Variants in LEPR observed in about 807,000 individuals in gnomAD.
LEPR encodes leptin receptor.
In LEPR, 56 loss-of-function variants were observed where a neutral mutation model predicts 114.7. That is an observed-to-expected ratio of 0.49 (90% CI 0.39 to 0.61). LEPR has a LOEUF of 0.61. LEPR is among the 20% of genes least tolerant of loss of function. LEPR has a pLI of 0.00. For synonymous variants in LEPR, 443 were observed against 461.4 expected (o/e 0.96, Z 0.51); for missense variants, 1,202 against 1,352.9 (o/e 0.89, Z 1.75).
chr1:65,478,262 C>T (rs1647180305), intron 2 of LEPR, among the ~76,000 whole-genome samples: 2 of 152,114 alleles, frequency 1.3e-5, no homozygotes, highest in East Asian at 1.9e-4. Flanking sequence ...TCCAAGTCCC[C>T]CTTTGGTTGG....
chr1:65,612,259 A>G (rs1030663294), intron 14 of LEPR, among the ~76,000 whole-genome samples: 3 of 152,266 alleles, frequency 2.0e-5, no homozygotes, highest in Non-Finnish European at 2.9e-5. Flanking sequence ...GACGGCAAAG[A>G]TAGTACAGAG....
At chr1:65,544,651 G>T (rs976386784) in intron 2 of LEPR, among the ~76,000 whole-genome samples, 7 of 151,002 alleles carry the variant, frequency 4.6e-5, no homozygotes, top group African/African-American at 1.7e-4. Flanking sequence ...GCATGAAGCA[G>T]TGTTGAATAT....
intron 2 of LEPR, among the ~76,000 whole-genome samples, chr1:65,546,800 T>G (rs1396734247): frequency 1.3e-5 from 2 of 152,184 alleles, no homozygotes; most frequent in African/African-American, 4.8e-5. Flanking sequence ...TACCCTTTAT[T>G]TCCTTCTCCT....
rs1651429092 is a variant in LEPR, at chr1:65,543,862, T to C, written c.-20-21684T>C. 2.0e-5 allele frequency among the ~76,000 whole-genome samples: 3 copies of C among 152,036 alleles called. No individual in the cohort carries two copies. In the South Asian group the frequency reaches 6.2e-4, roughly 31 times the overall value. ...TGGTACAGTACCATGCTGTCTTGGT[T>C]ACTGTAGCCTTGTAGTATAGTTTGA... is the stretch of plus-strand genomic sequence containing the variant. On this transcript the variant is annotated intron_variant, in intron 2 of 19. Transcript: ENST00000349533.
At chr1:65,442,123 A>G (rs1000670311) in intron 2 of LEPR, among the ~76,000 whole-genome samples, 4 of 152,166 alleles carry the variant, frequency 2.6e-5, no homozygotes, top group African/African-American at 9.7e-5. Context: ...TGCCTCAGAA[A>G]TATTTGTTGG....
At chr1:65,512,366 G>C (rs1024432392) in intron 2 of LEPR, among the ~76,000 whole-genome samples, 1 of 152,108 alleles carries the variant, frequency 6.6e-6, no homozygotes, top group African/African-American at 2.4e-5. Context: ...AGGTAGCATG[G>C]GGCAGTATGT....
intron 19 of LEPR, chr1:65,634,698 G>T (rs1658652637): frequency 1.0e-6 from 1 of 965,508 alleles, no homozygotes; most frequent in Non-Finnish European, 1.2e-6. Context: ...TATGGTTATG[G>T]TTTTTTTGTA....
At chr1:65,468,753 T>C (rs1201359273) in intron 2 of LEPR, among the ~76,000 whole-genome samples, 1 of 152,226 alleles carries the variant, frequency 6.6e-6, no homozygotes, top group African/African-American at 2.4e-5. Context: ...TGGTGTGACC[T>C]GGGTGTATGT....
intron 2 of LEPR, among the ~76,000 whole-genome samples, chr1:65,545,719 A>G (rs1359045884): frequency 6.6e-6 from 1 of 152,198 alleles, no homozygotes; most frequent in African/African-American, 2.4e-5. Context: ...CCTTTGTCAG[A>G]TGAGTAGTTT....
At chr1:65,450,538 G>C in intron 2 of LEPR, among the ~76,000 whole-genome samples, 6 of 141,300 alleles carry the variant, frequency 4.2e-5, no homozygotes, top group African/African-American at 1.3e-4. Context: ...TTGGTTTTTT[G>C]TTCTTGCGAT....
At chr1:65,516,906 T>C (rs1445618745) in intron 2 of LEPR, among the ~76,000 whole-genome samples, 2 of 152,164 alleles carry the variant, frequency 1.3e-5, no homozygotes, top group Non-Finnish European at 2.9e-5. Context: ...CATCACCCTT[T>C]TCCCTTCCAA....
At chr1:65,514,231 T>C (rs1477877466) in intron 2 of LEPR, among the ~76,000 whole-genome samples, 1 of 151,828 alleles carries the variant, frequency 6.6e-6, no homozygotes, top group Non-Finnish European at 1.5e-5. Context: ...CAAGGAAATA[T>C]GATTCTGCCA....
intron 2 of LEPR, among the ~76,000 whole-genome samples, chr1:65,532,062 C>T (rs1038396839): frequency 6.6e-6 from 1 of 152,212 alleles, no homozygotes; most frequent in Admixed American, 6.5e-5. Context: ...TTTTCGCCAT[C>T]TGATGGGTAT....
In LEPR at chr1:65,621,354, TG is replaced by T; in HGVS notation, c.2494del (p.Asp832IlefsTer13). On this transcript the variant is annotated frameshift_variant and splice_region_variant, in exon 18 of 20. Coordinates refer to ENST00000349533, the MANE Select transcript of LEPR (RefSeq NM_002303.6). LOFTEE classifies it high-confidence loss of function. Reference protein sequence around the residue: ...PKIINSFTQDDIEKHQSDAGL... With the variant: ...PKIINSFTQDXIEKHQSDAGL... ...GTGTAAATTGTATTTCTTTTTCAGA[TG>T]ATATTGAAAAACACCAGAGTGATGC... 6.2e-7 allele frequency: 1 copy of T among 1,610,080 alleles called. No individual in the cohort carries two copies. Among genetic ancestry groups the T allele is most frequent in the Non-Finnish European group, 8.5e-7 (1 of 1,176,696 alleles).
chr1:65,525,440 C>T (rs1434681326), intron 2 of LEPR, among the ~76,000 whole-genome samples: 2 of 152,142 alleles, frequency 1.3e-5, no homozygotes, highest in Admixed American at 6.5e-5. Context: ...TCCCCAGCGC[C>T]GGGTCTCTCC....
chr1:65,538,654 G>A (rs1024518887), intron 2 of LEPR, among the ~76,000 whole-genome samples: 5 of 151,824 alleles, frequency 3.3e-5, no homozygotes, highest in Non-Finnish European at 5.9e-5. Context: ...TCTAGTATTC[G>A]GTGTTTTGGG....
intron 2 of LEPR, among the ~76,000 whole-genome samples, chr1:65,505,483 T>A (rs1219275520): frequency 2.0e-5 from 3 of 152,218 alleles, no homozygotes; most frequent in African/African-American, 7.2e-5. Flanking sequence ...TCCAGGAGGC[T>A]GACTCTATGG....
chr1:65,485,529 CT>C (rs1647442867), intron 2 of LEPR, among the ~76,000 whole-genome samples: 2 of 152,076 alleles, frequency 1.3e-5, no homozygotes, highest in Non-Finnish European at 2.9e-5. Context: ...TCACCATCAC[CT>C]TTTAGATAGG....
chr1:65,525,223 A>C lies in LEPR; in HGVS notation c.-20-40323A>C, dbSNP rs117414109. 1.5e-4 allele frequency among the ~76,000 whole-genome samples: 21 copies of C among 142,976 alleles called. No homozygotes were observed. The East Asian group carries it at 2.1e-3, about 15-fold the overall frequency. 93.8% of individuals were successfully genotyped at this position (142,976 alleles called of 152,430 possible). ...TTTCCCACTCCTCCCAGTTATTGCA[A>C]CCTTAATTGTAGCATTTTACACAAC... On this transcript the variant is annotated intron_variant, in intron 2 of 19. Transcript: ENST00000349533.
Sources: allele counts gnomAD v4.1 joint callset (sites outside exome capture counted in the v4.1 genomes callset), GRCh38; gene constraint gnomAD v4.1.1; transcripts MANE v1.5; gene names NCBI Gene and HGNC (gene_info 2026-07-23, HGNC 2026-07-21).